TXNRD1: variants seen among roughly 807,000 people sequenced by gnomAD.
TXNRD1 encodes the protein thioredoxin reductase 1, cytoplasmic.
TXNRD1 carries 57 observed loss-of-function variants against 80.3 expected under a neutral mutation model. The observed-to-expected ratio is 0.71, with a 90% CI of 0.57 to 0.89. The LOEUF (loss-of-function observed/expected upper bound fraction) is 0.89, where lower values mean the gene tolerates loss of function less well. TXNRD1 is among the 40% of genes least tolerant of loss of function. The probability of loss-of-function intolerance (pLI) is 0.00; values close to 1 mark genes in which losing one functional copy is unlikely to be tolerated. For missense variants in TXNRD1, 730 were observed against 803.0 expected (o/e 0.91, Z 1.10); for synonymous variants, 291 against 285.2 (o/e 1.02, Z -0.20).
At chr12:104,321,020 T>C (rs1361416529) in intron 9 of TXNRD1, 71 bp from the exon 10 acceptor site, 1 of 1,084,306 alleles carries the variant, frequency 9.2e-7, no homozygotes, top group Admixed American at 2.1e-5. Flanking sequence ...AAATGTGTAC[T>C]TGGATTTAGT....
At chr12:104,231,408 G>C (rs376486852) in intron 1 of TXNRD1, among the ~76,000 whole-genome samples, 7 of 152,264 alleles carry the variant, frequency 4.6e-5, no homozygotes, top group African/African-American at 9.6e-5. Flanking sequence ...TTCTAGGCGA[G>C]AGGAAACAAT....
chr12:104,313,452 T>A, intron 6 of TXNRD1, 135 bp downstream of exon 6: 1 of 640,660 alleles, frequency 1.6e-6, no homozygotes, highest in African/African-American at 1.9e-5. Flanking sequence ...AACATATATA[T>A]CTTTTATTTG....
At chr12:104,340,027 CT>C (rs1448861164) in intron 16 of TXNRD1, among the ~76,000 whole-genome samples, 1 of 152,206 alleles carries the variant, frequency 6.6e-6, no homozygotes, top group Non-Finnish European at 1.5e-5. Context: ...TTCATGGTTG[CT>C]TTTGTACAAC....
chr12:104,304,868 C>T, intron 4 of TXNRD1: 1 of 1,613,370 alleles, frequency 6.2e-7, no homozygotes, highest in South Asian at 1.1e-5. Context: ...TTTGACTTTA[C>T]AGGAGTGGAA....
At chr12:104,322,374 C>CTTTTTTTT (rs58288808) in intron 10 of TXNRD1, among the ~76,000 whole-genome samples, 2 of 61,544 alleles carry the variant, frequency 3.2e-5, no homozygotes, top group African/African-American at 7.2e-5. Flanking sequence ...TTATTTTTAC[C>CTTTTTTTT]TTTTTTTTTT....
rs561347578 is a variant in TXNRD1, at chr12:104,223,803, C to T, written c.91+7910C>T. Among the ~76,000 whole-genome samples the T allele has an allele frequency of 4.1e-4, 62 of 152,312 alleles. 1 individual carries two copies. The South Asian group carries it at 4.1e-3, about 10-fold the overall frequency. ...ACTGGTGAGGAGGGAGCATGAACTG[C>T]TGCATCTGGCAGCCAGCTTTGGGGA... On this transcript the variant is annotated intron_variant, in intron 1 of 16. Coordinates refer to ENST00000525566, the MANE Select transcript of TXNRD1 (RefSeq NM_001093771.3).
At chr12:104,314,595 A>C (rs2035251464) in intron 6 of TXNRD1, among the ~76,000 whole-genome samples, 1 of 152,112 alleles carries the variant, frequency 6.6e-6, no homozygotes, top group Non-Finnish European at 1.5e-5. Flanking sequence ...TCTAATGGAA[A>C]CAAGCTGTCA....
At chr12:104,325,732 C>T (rs971855188) in intron 11 of TXNRD1, among the ~76,000 whole-genome samples, 2 of 152,078 alleles carry the variant, frequency 1.3e-5, no homozygotes, top group Admixed American at 6.6e-5. Context: ...ATTAGCCGGG[C>T]GTGGTGGCGT....
intron 4 of TXNRD1, among the ~76,000 whole-genome samples, chr12:104,302,521 G>C (rs988179416): frequency 6.8e-5 from 7 of 102,218 alleles, no homozygotes; most frequent in Non-Finnish European, 1.4e-4. Flanking sequence ...ACGGAGTCTC[G>C]CTCTATAGCC....
At position 104,253,502 on chromosome 12, in the gene TXNRD1, G is replaced by A. The variant is rs552921304; in HGVS notation, c.243+1824G>A. Among the ~76,000 whole-genome samples the A allele has an allele frequency of 5.3e-5, 8 of 152,244 alleles. No individual in the cohort carries two copies. In the South Asian group the frequency reaches 1.5e-3, roughly 28 times the overall value. On this transcript the variant is annotated intron_variant, in intron 2 of 16. Transcript: ENST00000525566. ...TTCTACATGATTGGACAGGCAGCAA[G>A]TGCTAGAGAATTTAGAAGAGGGCTG...
At chr12:104,255,650 G>A (rs549826040) in intron 2 of TXNRD1, among the ~76,000 whole-genome samples, 8 of 152,114 alleles carry the variant, frequency 5.3e-5, no homozygotes, top group Middle Eastern at 3.4e-3. Context: ...AAAATTAGCC[G>A]GGCTTGGTGA....
Position 104,313,147 on chromosome 12 carries a change from A to G in TXNRD1, c.538-98A>G, listed in dbSNP as rs2035199292. The G allele has an allele frequency of 3.4e-6, 3 of 874,588 alleles. No individual in the cohort carries two copies. The African/African-American group carries it at 5.1e-5, about 15-fold the overall frequency. The allele number at this position is 874,588 out of a possible 1,614,324, so 54.2% of individuals were successfully genotyped here. On this transcript the variant is annotated intron_variant, in intron 5 of 16. Transcript: ENST00000525566. ...GGTATTAATTATTCGTTATGCTTTA[A>G]GCTCTATAGCTTAAAAAAAAATCAT...
chr12:104,333,045 T>G (rs945099120), intron 14 of TXNRD1, among the ~76,000 whole-genome samples: 4 of 151,968 alleles, frequency 2.6e-5, no homozygotes, highest in African/African-American at 9.7e-5. Flanking sequence ...GAACATTTCC[T>G]GTCTTTAATT....
intron 3 of TXNRD1, among the ~76,000 whole-genome samples, chr12:104,266,524 C>CAAAAA (rs60829935): frequency 5.4e-5 from 6 of 111,488 alleles, no homozygotes; most frequent in East Asian, 5.9e-4. Flanking sequence ...GAATTCATCT[C>CAAAAA]AAAAAAAAAA....
intron 3 of TXNRD1, among the ~76,000 whole-genome samples, chr12:104,267,699 T>TTCTC (rs1555209250): frequency 0.034 from 1,589 of 46,290 alleles, 43 homozygotes; most frequent in African/African-American, 0.071. Context: ...CTTTCTTTCT[T>TTCTC]TCTCTCTTTC....
chr12:104,251,233 G>A (rs916532134), intron 1 of TXNRD1, among the ~76,000 whole-genome samples: 1 of 152,154 alleles, frequency 6.6e-6, no homozygotes, highest in East Asian at 1.9e-4. Flanking sequence ...TTTCCAACCT[G>A]TTACTTATTT....
intron 9 of TXNRD1, among the ~76,000 whole-genome samples, chr12:104,320,399 T>G (rs1375823309): frequency 6.6e-6 from 1 of 152,192 alleles, no homozygotes. Context: ...TCATGAGTGC[T>G]CTGCCCTCAT....
intron 6 of TXNRD1, among the ~76,000 whole-genome samples, chr12:104,315,336 A>G (rs1005295666): frequency 2.0e-5 from 3 of 152,244 alleles, no homozygotes; most frequent in Non-Finnish European, 4.4e-5. Flanking sequence ...CACAAAGCCT[A>G]TTTTATAATA....
intron 1 of TXNRD1, among the ~76,000 whole-genome samples, chr12:104,224,160 A>G (rs1395289763): frequency 6.6e-6 from 1 of 152,060 alleles, no homozygotes; most frequent in Non-Finnish European, 1.5e-5. Flanking sequence ...TCATCTGTTC[A>G]TGAATGGTTG....
Sources: gnomAD v4.1 joint callset for allele counts (sites outside exome capture counted in the v4.1 genomes callset) on GRCh38, gnomAD v4.1.1 for gene constraint, MANE v1.5 for transcripts, NCBI Gene and HGNC (gene_info 2026-07-23, HGNC 2026-07-21) for gene names.